Variants in ULK4 observed in about 807,000 individuals in gnomAD.
The protein encoded by ULK4 is inactive serine/threonine-protein kinase ULK4.
A neutral mutation model predicts 160.6 loss-of-function variants in ULK4; 133 were observed. The observed-to-expected ratio is 0.83, with a 90% CI of 0.72 to 0.96. ULK4 has a LOEUF of 0.96. Among genes scored for constraint, ULK4 ranks in the 40% least tolerant of loss-of-function variants. The pLI is 0.00. For missense variants in ULK4, 1,580 were observed against 1,499.5 expected (o/e 1.05, Z -0.89); for synonymous variants, 534 against 539.8 (o/e 0.99, Z 0.15).
chr3:41,416,113 G>A (rs1485810234), intron 34 of ULK4, among the ~76,000 whole-genome samples: 2 of 152,124 alleles, frequency 1.3e-5, no homozygotes, highest in African/African-American at 4.8e-5. Context: ...GTAACAATAG[G>A]AACACTGTGT....
chr3:41,367,647 C>T (rs1575474593), intron 35 of ULK4, among the ~76,000 whole-genome samples: 2 of 152,178 alleles, frequency 1.3e-5, no homozygotes, highest in African/African-American at 2.4e-5. Flanking sequence ...CCTGAACACT[C>T]TCTCAAAACA....
At position 41,715,462 on chromosome 3, in the gene ULK4, G is replaced by A; in HGVS notation, c.2562C>T (p.His854=). ...ACAATAGTACCTGTGAAGTTACGAG[G>A]TGAAGCACTACAGGCATCAGGGGGA... ...LCLPLMPVVL[H]LVTSQVFRPQ... The change falls in exon 24 of 37, where the codon CAC becomes CAT. Residue 854 remains histidine, a synonymous_variant. Coordinates refer to ENST00000301831, the MANE Select transcript of ULK4 (RefSeq NM_017886.4). The A allele has an allele frequency of 6.2e-7, 1 of 1,614,120 alleles. No individual in the cohort carries two copies.
intron 18 of ULK4, among the ~76,000 whole-genome samples, chr3:41,826,509 C>T (rs2041360271): frequency 6.6e-6 from 1 of 151,034 alleles, no homozygotes; most frequent in Admixed American, 6.6e-5. Context: ...GGTTGCAATC[C>T]TAGTCTCTGA....
chr3:41,768,330 T>A (rs192422177), intron 21 of ULK4, among the ~76,000 whole-genome samples: 1 of 152,188 alleles, frequency 6.6e-6, no homozygotes, highest in Admixed American at 6.5e-5. Context: ...TAGTAAATAC[T>A]CCATCTATAC....
intron 32 of ULK4, among the ~76,000 whole-genome samples, chr3:41,498,855 A>G (rs1481696556): frequency 6.6e-6 from 1 of 152,176 alleles, no homozygotes; most frequent in African/African-American, 2.4e-5. Flanking sequence ...TCGGCTTCCC[A>G]AAGTGCTGGG....
intron 35 of ULK4, among the ~76,000 whole-genome samples, chr3:41,268,575 G>A (rs1002259738): frequency 1.3e-5 from 2 of 152,104 alleles, no homozygotes; most frequent in Non-Finnish European, 2.9e-5. Flanking sequence ...GGAGACCGAG[G>A]CGGGCAGATC....
intron 31 of ULK4, among the ~76,000 whole-genome samples, chr3:41,611,482 G>T (rs1009790408): frequency 1.3e-5 from 2 of 152,294 alleles, no homozygotes; most frequent in African/African-American, 4.8e-5. Context: ...CTGGGACATC[G>T]GATCGAACAT....
At chr3:41,853,881 G>A (rs758262008) in intron 17 of ULK4, among the ~76,000 whole-genome samples, 31 of 152,164 alleles carry the variant, frequency 2.0e-4, no homozygotes, top group Non-Finnish European at 4.3e-4. Context: ...AACATGGGCT[G>A]CATGTAACAT....
intron 16 of ULK4, 42 bp from the exon 17 acceptor site, chr3:41,883,994 G>C: frequency 6.9e-7 from 1 of 1,439,322 alleles, no homozygotes; most frequent in Non-Finnish European, 9.8e-7. Context: ...GAAGAGTCGG[G>C]GACCGAGGAA....
At chr3:41,358,809 C>T (rs1197009483) in intron 35 of ULK4, among the ~76,000 whole-genome samples, 2 of 152,036 alleles carry the variant, frequency 1.3e-5, no homozygotes, top group African/African-American at 2.4e-5. Flanking sequence ...CATAAACTTA[C>T]TTAGGTTTTC....
At chr3:41,771,612 T>C (rs9837273) in intron 21 of ULK4, among the ~76,000 whole-genome samples, 43,491 of 148,242 alleles carry the variant, frequency 0.29, 8,478 homozygotes, top group African/African-American at 0.61. Flanking sequence ...AATCATACTG[T>C]GTGCGAGTAA....
intron 21 of ULK4, among the ~76,000 whole-genome samples, chr3:41,758,360 G>C (rs941007684): frequency 2.0e-5 from 3 of 152,090 alleles, no homozygotes; most frequent in Admixed American, 2.0e-4. Flanking sequence ...AAACTGTACT[G>C]TAACAGCTCA....
chr3:41,435,047 G>T (rs116756694), intron 34 of ULK4, among the ~76,000 whole-genome samples: 13 of 152,288 alleles, frequency 8.5e-5, no homozygotes, highest in African/African-American at 2.4e-4. Context: ...TGCCTCAACT[G>T]AATCTTTAAT....
At chr3:41,545,557 A>AT (rs1425310068) in intron 32 of ULK4, among the ~76,000 whole-genome samples, 6 of 152,084 alleles carry the variant, frequency 3.9e-5, no homozygotes, top group African/African-American at 9.7e-5. Flanking sequence ...TATTTTTAAG[A>AT]TTTTACCTCC....
chr3:41,257,032 G>A (rs1575360138), intron 35 of ULK4, among the ~76,000 whole-genome samples: 1 of 152,018 alleles, frequency 6.6e-6, no homozygotes, highest in Non-Finnish European at 1.5e-5. Flanking sequence ...CAGCTAAAAA[G>A]AACTCGTCAA....
rs9871770 is a variant in ULK4 at position 41,818,786 on chromosome 3, T to C, written c.1848+637A>G. Among the ~76,000 whole-genome samples, 1,168 of 152,338 alleles carry C rather than the reference T, an allele frequency of 7.7e-3. 20 individuals carry two copies. The highest frequency in any genetic ancestry group is 0.026 in the African/African-American group (1,072 of 41,576). On this transcript the variant is annotated intron_variant, in intron 19 of 36. Transcript: ENST00000301831. ...TATGGCTTTGCCTTGGGTGAAACAA[T>C]GTCAAATGATTTAACGCAAATGGAA... is the stretch of plus-strand genomic sequence containing the variant.
chr3:41,249,995 C>T (rs566622792), intron 35 of ULK4, among the ~76,000 whole-genome samples: 2 of 152,312 alleles, frequency 1.3e-5, no homozygotes, highest in East Asian at 1.9e-4. Context: ...ATCTCTTTCA[C>T]GTGGATAGAA....
At chr3:41,404,952 AATC>A (rs1237951593) in intron 34 of ULK4, among the ~76,000 whole-genome samples, 2 of 152,296 alleles carry the variant, frequency 1.3e-5, no homozygotes, top group East Asian at 3.9e-4. Context: ...TAAGAACTCT[AATC>A]ATCTATATTT....
At chr3:41,816,259 C>T (rs766591624) in intron 19 of ULK4, among the ~76,000 whole-genome samples, 14 of 152,066 alleles carry the variant, frequency 9.2e-5, no homozygotes, top group Non-Finnish European at 1.8e-4. Flanking sequence ...CATATTACAG[C>T]AAAGCAAACA....
Sources: gnomAD v4.1 joint callset for allele counts (sites outside exome capture counted in the v4.1 genomes callset) on GRCh38, gnomAD v4.1.1 for gene constraint, MANE v1.5 for transcripts, NCBI Gene and HGNC (gene_info 2026-07-23, HGNC 2026-07-21) for gene names.